DARS2: variants seen among roughly 807,000 people sequenced by gnomAD.
The protein encoded by DARS2 is aspartate--tRNA ligase, mitochondrial.
A neutral mutation model predicts 83.0 loss-of-function variants in DARS2; 63 were observed. That is an observed-to-expected ratio of 0.76 (90% CI 0.62 to 0.94). The LOEUF (loss-of-function observed/expected upper bound fraction) is 0.94, where lower values mean the gene tolerates loss of function less well. Among genes scored for constraint, DARS2 ranks in the 40% least tolerant of loss-of-function variants. The pLI, the probability that DARS2 is intolerant of heterozygous loss-of-function variation, is 0.00. For synonymous variants in DARS2, 250 were observed against 269.3 expected, an observed-to-expected ratio of 0.93 and a Z score of 0.70; for missense variants, 675 against 774.4, an observed-to-expected ratio of 0.87 and a Z score of 1.52.
rs1308269047 is a variant in DARS2 at position 173,851,890 on chromosome 1, C to T, written c.1344+1411C>T. The stretch of plus-strand genomic sequence containing the variant: ...AAATGTAATCCCCCGTCTCCCCTTC[C>T]CCTACAATAGTAAAATGAAGAAAGC... On this transcript the variant is annotated intron_variant, in intron 13 of 16. Transcript: ENST00000649689. 3 of 985,344 alleles carry T rather than the reference C, an allele frequency of 3.0e-6. No homozygotes were observed. In the East Asian group the frequency reaches 3.4e-4, roughly 112 times the overall value. The allele number at this position is 985,344 out of a possible 1,614,324, so 61.0% of individuals were successfully genotyped here. A position where few individuals can be genotyped will look rare whatever the true frequency, so the allele number is the denominator to read the frequency against.
intron 2 of DARS2, 94 bp from the exon 3 acceptor site, chr1:173,828,239 A>G (rs1220809351): frequency 3.3e-6 from 4 of 1,226,888 alleles, no homozygotes; most frequent in Non-Finnish European, 4.7e-6. Context: ...GAAAAATTGC[A>G]TGGATTTTTG....
chr1:173,847,149 G>A (rs1441946526), intron 12 of DARS2, among the ~76,000 whole-genome samples: 1 of 152,102 alleles, frequency 6.6e-6, no homozygotes, highest in Non-Finnish European at 1.5e-5. Flanking sequence ...AAAATGGGTT[G>A]AGACAAAATC....
rs1346022400 is a variant in DARS2 at position 173,853,818 on chromosome 1, G to T, written c.1587G>T (p.Leu529Phe). 1.9e-6 allele frequency: 3 copies of T among 1,613,920 alleles called. No individual in the cohort carries two copies. The highest frequency in any genetic ancestry group is 2.5e-6 in the Non-Finnish European group (3 of 1,179,994). Residue 529 changes from leucine (L) to phenylalanine (F), a missense_variant, in exon 15 of 17, where the codon TTG becomes TTT. Leu to Phe is a conservative substitution (Grantham distance 22). Transcript: ENST00000649689. ...PKKARSQHYD[L>F]VLNGNEIGGG... ...AGGCCCGTAGCCAACACTATGACTT[G>T]GTTTTAAATGGCAATGAAATAGGAG...
At chr1:173,831,492 C>A in intron 4 of DARS2, 43 bp from the exon 5 acceptor site, 1 of 1,346,016 alleles carries the variant, frequency 7.4e-7, no homozygotes, top group South Asian at 1.2e-5. Context: ...TTGTGTATAT[C>A]CTGATGAGTA....
chr1:173,857,094 T>C (rs1469425034), intron 16 of DARS2, among the ~76,000 whole-genome samples: 1 of 152,114 alleles, frequency 6.6e-6, no homozygotes, highest in East Asian at 1.9e-4. Context: ...GTCCTTCTGA[T>C]TGCCATGGTT....
intron 1 of DARS2, among the ~76,000 whole-genome samples, 165 bp downstream of exon 1, chr1:173,825,521 T>G (rs1652477497): frequency 6.6e-6 from 1 of 150,848 alleles, no homozygotes; most frequent in African/African-American, 2.4e-5. Context: ...CAGGCTAGAG[T>G]GAAGTGGCGC....
intron 3 of DARS2, among the ~76,000 whole-genome samples, chr1:173,828,809 T>C (rs1427138938): frequency 3.3e-5 from 5 of 152,138 alleles, no homozygotes; most frequent in Non-Finnish European, 4.4e-5. Flanking sequence ...AATTTGGCAA[T>C]ATCAAAACTA....
rs770338615 is a variant in DARS2, at chr1:173,826,682, T to TA, written c.128-2dup. 2.6e-6 allele frequency: 4 copies of TA among 1,548,732 alleles called. No individual in the cohort carries two copies. The highest frequency in any genetic ancestry group is 1.7e-4 in the Middle Eastern group (1 of 5,844). ...TAAAGTTTCTTTTTTTTTTTTTTTT[T>TA]AAAGAATTCAGTAGCTTTGTTGTCC... On this transcript the variant is annotated splice_region_variant and splice_polypyrimidine_tract_variant and intron_variant, in intron 1 of 16. Coordinates refer to ENST00000649689, the MANE Select transcript of DARS2 (RefSeq NM_018122.5).
chr1:173,826,625 C>A lies in DARS2; in HGVS notation c.128-62C>A, dbSNP rs553835559. On this transcript the variant is annotated intron_variant, in intron 1 of 16. Coordinates refer to ENST00000649689, the MANE Select transcript of DARS2 (RefSeq NM_018122.5). ...TTTGAGAATTTTCATTTTTAAGCAA[C>A]CTGCAAGTGATGTATTTTTAATCTT... The A allele has an allele frequency of 1.1e-5, 13 of 1,237,620 alleles. No homozygotes were observed. The African/African-American group carries it at 1.1e-4, about 10-fold the overall frequency. The allele number at this position is 1,237,620 out of a possible 1,614,324, so 76.7% of individuals were successfully genotyped here. A position where few individuals can be genotyped will look rare whatever the true frequency, so the allele number is the denominator to read the frequency against.
Position 173,830,640 on chromosome 1 carries a change from T to C in DARS2, c.295-20T>C. ...TAAGTTCATTTGTTTCTCAGAACTC[T>C]TTTCCCCCTTGTTCTGTAGTCGGCA... is the stretch of plus-strand genomic sequence containing the variant. On this transcript the variant is annotated intron_variant, in intron 3 of 16. Coordinates refer to ENST00000649689, the MANE Select transcript of DARS2 (RefSeq NM_018122.5). The C allele has an allele frequency of 6.3e-7, 1 of 1,585,658 alleles. No individual in the cohort carries two copies. Among genetic ancestry groups the C allele is most frequent in the African/African-American group, 1.3e-5 (1 of 74,444 alleles).
chr1:173,825,240 C>T lies in DARS2; in HGVS notation c.11C>T (p.Pro4Leu). 1 of 1,612,736 alleles carries T rather than the reference C, an allele frequency of 6.2e-7. No homozygotes were observed. Among genetic ancestry groups the T allele is most frequent in the Non-Finnish European group, 8.5e-7 (1 of 1,179,114 alleles). Reference sequence around the variant, plus strand: ...TCGTGTGGCTCCAACATGTACTTCCCTTCTTGGTTAAGTCAGCTGTACAGG... The same window carrying T: ...TCGTGTGGCTCCAACATGTACTTCCTTTCTTGGTTAAGTCAGCTGTACAGG... MYF[P>L]SWLSQLYRGL... is the part of the protein sequence containing the mutation. Residue 4 changes from proline to leucine, a missense_variant, in exon 1 of 17, where the codon CCT becomes CTT. Coordinates refer to ENST00000649689, the MANE Select transcript of DARS2 (RefSeq NM_018122.5).
chr1:173,839,779 GTTT>G (rs1430522431), intron 10 of DARS2, among the ~76,000 whole-genome samples: 1 of 151,962 alleles, frequency 6.6e-6, no homozygotes, highest in Non-Finnish European at 1.5e-5. Flanking sequence ...TTGCTATAAA[GTTT>G]TTATTACTTG....
At chr1:173,833,661 TTTAAAGATG>T (rs1652875979) in intron 6 of DARS2, among the ~76,000 whole-genome samples, 162 bp downstream of exon 6, 1 of 152,236 alleles carries the variant, frequency 6.6e-6, no homozygotes, top group African/African-American at 2.4e-5. Flanking sequence ...TTAACATTAT[TTTAAAGATG>T]ATAAAGATGA....
chr1:173,839,152 G>A (rs1433953184), intron 9 of DARS2, among the ~76,000 whole-genome samples: 2 of 152,170 alleles, frequency 1.3e-5, no homozygotes, highest in Non-Finnish European at 2.9e-5. Context: ...AAGTAACTTA[G>A]TTCTCTGAGC....
intron 11 of DARS2, among the ~76,000 whole-genome samples, chr1:173,843,492 G>A (rs760193666): frequency 2.0e-5 from 3 of 152,118 alleles, no homozygotes; most frequent in Admixed American, 6.6e-5. Context: ...CCCCGGAGGC[G>A]GAGGTTGCCG....
intron 13 of DARS2, chr1:173,852,257 A>G (rs1359366034): frequency 2.0e-6 from 2 of 985,080 alleles, no homozygotes; most frequent in Admixed American, 6.1e-5. Flanking sequence ...AGTCCTGCAT[A>G]CCATAGGTAG....
rs1304745729 is a variant in DARS2, at chr1:173,842,317, T to TTTG, written c.1128+1344_1128+1345insTTG. Among the ~76,000 whole-genome samples the TTTG allele has an allele frequency of 2.8e-4, 33 of 116,622 alleles. 5 individuals are homozygous for TTTG. Among genetic ancestry groups the TTTG allele is most frequent in the African/African-American group, 1.2e-3 (28 of 23,538 alleles). The allele number at this position is 116,622 out of a possible 152,430, so 76.5% of individuals were successfully genotyped here. A position where few individuals can be genotyped will look rare whatever the true frequency, so the allele number is the denominator to read the frequency against. ...TTTTTTTTTTTTTTTTTTTTTTTTT[T>TTTG]AGAGTGAGTCTTGCTCTGTCGCCCA... On this transcript the variant is annotated intron_variant, in intron 11 of 16. Transcript: ENST00000649689.
chr1:173,832,730 C>G (rs192370697), intron 5 of DARS2, among the ~76,000 whole-genome samples: 1 of 147,004 alleles, frequency 6.8e-6, no homozygotes, highest in Non-Finnish European at 1.5e-5. Flanking sequence ...GATCATGCCA[C>G]TGCACTCCAG....
At chr1:173,846,241 G>T (rs909122306) in intron 12 of DARS2, among the ~76,000 whole-genome samples, 1 of 152,166 alleles carries the variant, frequency 6.6e-6, no homozygotes, top group African/African-American at 2.4e-5. Flanking sequence ...TGATGCAGGA[G>T]AATCGCTTGA....
Sources: gnomAD v4.1 joint callset for allele counts (sites outside exome capture counted in the v4.1 genomes callset) on GRCh38, gnomAD v4.1.1 for gene constraint, MANE v1.5 for transcripts, NCBI Gene and HGNC (gene_info 2026-07-23, HGNC 2026-07-21) for gene names.